The following EVI5 variants were observed in gnomAD, a reference collection of about 807,000 sequenced individuals.
EVI5 encodes the protein ecotropic viral integration site 5 protein homolog.
EVI5 carries 73 observed loss-of-function variants against 112.0 expected under a neutral mutation model. The ratio of observed to expected loss-of-function variants is 0.65; its 90% CI spans 0.54 to 0.79. The LOEUF (loss-of-function observed/expected upper bound fraction) is 0.79, where lower values mean the gene tolerates loss of function less well. Ranked by LOEUF, EVI5 falls within the 30% of genes least tolerant of loss-of-function variation. The pLI is 0.00. For missense variants in EVI5, 900 were observed against 968.8 expected (o/e 0.93, Z 0.94); for synonymous variants, 305 against 319.9 (o/e 0.95, Z 0.50).
intron 4 of EVI5, among the ~76,000 whole-genome samples, chr1:92,703,009 G>A (rs1196561410): frequency 1.3e-5 from 2 of 152,120 alleles, no homozygotes. Context: ...CAAGGGCTAA[G>A]TGCTCTTAAC....
chr1:92,729,577 C>T (rs964218930), intron 2 of EVI5, among the ~76,000 whole-genome samples: 2 of 152,030 alleles, frequency 1.3e-5, no homozygotes, highest in Admixed American at 1.3e-4. Context: ...ACCAAAGATA[C>T]CAAAGATACC....
chr1:92,633,987 T>G (rs1377465058), intron 14 of EVI5, among the ~76,000 whole-genome samples: 1 of 152,208 alleles, frequency 6.6e-6, no homozygotes, highest in Non-Finnish European at 1.5e-5. Flanking sequence ...ATTCTTTTCT[T>G]TAAGAATGTT....
At chr1:92,749,535 C>G (rs1044726422) in intron 1 of EVI5, among the ~76,000 whole-genome samples, 2 of 151,978 alleles carry the variant, frequency 1.3e-5, no homozygotes, top group Non-Finnish European at 2.9e-5. Flanking sequence ...CCTTGTCTAT[C>G]ATAAACCAGA....
intron 19 of EVI5, among the ~76,000 whole-genome samples, chr1:92,532,973 T>C (rs139081431): frequency 0.021 from 3,051 of 145,004 alleles, 119 homozygotes; most frequent in African/African-American, 0.072. Context: ...CAAAAAACCC[T>C]TCAAAAAAAT....
chr1:92,647,700 C>T, intron 13 of EVI5: 1 of 258,138 alleles, frequency 3.9e-6, no homozygotes, highest in South Asian at 6.5e-5. Flanking sequence ...GTGAAGGGGG[C>T]AGGAAGGGTG....
intron 18 of EVI5, among the ~76,000 whole-genome samples, chr1:92,581,513 T>C (rs114346956): frequency 0.021 from 3,149 of 152,312 alleles, 119 homozygotes; most frequent in African/African-American, 0.071. Context: ...TGAATTCTCC[T>C]GGGATTTTGC....
At chr1:92,720,677 G>A (rs1032255183) in intron 2 of EVI5, among the ~76,000 whole-genome samples, 1 of 152,078 alleles carries the variant, frequency 6.6e-6, no homozygotes, top group African/African-American at 2.4e-5. Flanking sequence ...TAACAAATGG[G>A]ATCTAATTAA....
At position 92,512,503 on chromosome 1, in the gene EVI5, C is replaced by G. The variant is rs186292415; in HGVS notation, c.*1153G>C. 61 of 152,236 alleles carry G rather than the reference C, an allele frequency of 4.0e-4. No homozygotes were observed. The highest frequency in any genetic ancestry group is 3.9e-3 in the South Asian group (19 of 4,826). The allele number at this position is 152,236 out of a possible 1,614,324, so 9.4% of individuals were successfully genotyped here. On this transcript the variant is annotated 3_prime_UTR_variant, in exon 20 of 20. Coordinates refer to ENST00000684568, the MANE Select transcript of EVI5 (RefSeq NM_001350197.2). Reference sequence around the variant, plus strand: ...TTAGTGTTTTATTTTTAACTTTTAACCTATTATTTACAGAAGTCCTGTTAG... The same window carrying G: ...TTAGTGTTTTATTTTTAACTTTTAAGCTATTATTTACAGAAGTCCTGTTAG...
intron 2 of EVI5, among the ~76,000 whole-genome samples, chr1:92,713,086 C>G (rs528975762): frequency 3.2e-4 from 48 of 151,930 alleles, no homozygotes; most frequent in African/African-American, 9.9e-4. Flanking sequence ...CCAGGCCCAG[C>G]CTGAAATTAA....
chr1:92,770,017 C>T (rs1683154995), intron 1 of EVI5, among the ~76,000 whole-genome samples: 1 of 152,104 alleles, frequency 6.6e-6, no homozygotes, highest in South Asian at 2.1e-4. Flanking sequence ...TTTGAAGATG[C>T]TATGCTGCTG....
chr1:92,513,958 T>G lies in EVI5; in HGVS notation c.2179A>C (p.Lys727Gln). 6.4e-7 allele frequency: 1 copy of G among 1,560,950 alleles called. No individual in the cohort carries two copies. The highest frequency in any genetic ancestry group is 8.7e-7 in the Non-Finnish European group (1 of 1,149,528). The change falls in exon 20 of 20, where the codon AAA (lysine) becomes CAA (glutamine). Residue 727 changes from lysine to glutamine, a missense_variant. Lys to Gln is a moderately conservative substitution (Grantham distance 53). Transcript: ENST00000684568. ...AELNHELRCLKGQRGFSGQPP... is the reference protein window; with the variant it reads ...AELNHELRCLQGQRGFSGQPP... ...TGGCCTGAGAAGCCCCTCTGGCCTT[T>G]TAGGCACCTGAGCTGTTAAAACAAA...
intron 14 of EVI5, among the ~76,000 whole-genome samples, chr1:92,631,189 TA>T (rs1220733052): frequency 6.6e-6 from 1 of 152,056 alleles, no homozygotes; most frequent in Non-Finnish European, 1.5e-5. Flanking sequence ...ATATGAACTT[TA>T]AAGTAGTTTT....
chr1:92,710,188 C>CA (rs1672636970), intron 2 of EVI5, among the ~76,000 whole-genome samples: 1 of 147,666 alleles, frequency 6.8e-6, no homozygotes, highest in Non-Finnish European at 1.5e-5. Flanking sequence ...ACTAAAAATA[C>CA]AAAAAATTAG....
intron 13 of EVI5, among the ~76,000 whole-genome samples, chr1:92,661,605 T>C (rs1664027361): frequency 6.6e-6 from 1 of 152,102 alleles, no homozygotes; most frequent in South Asian, 2.1e-4. Context: ...TGACATTACA[T>C]ACAAAAGTGG....
chr1:92,547,967 A>C (rs1666064082), intron 19 of EVI5, among the ~76,000 whole-genome samples: 1 of 152,234 alleles, frequency 6.6e-6, no homozygotes, highest in Admixed American at 6.5e-5. Flanking sequence ...AATCAATAGA[A>C]AAAGAGGGAA....
intron 19 of EVI5, among the ~76,000 whole-genome samples, chr1:92,527,865 C>T (rs1390727715): frequency 1.3e-5 from 2 of 152,124 alleles, no homozygotes; most frequent in Non-Finnish European, 2.9e-5. Flanking sequence ...ATAATTTATC[C>T]TTTCTAATGT....
chr1:92,790,837 A>AC (rs1391099517), intron 1 of EVI5, among the ~76,000 whole-genome samples: 3 of 151,710 alleles, frequency 2.0e-5, no homozygotes, highest in Non-Finnish European at 4.4e-5. Flanking sequence ...AAAAAAAAAA[A>AC]GGAAAGAATA....
chr1:92,547,928 G>A (rs552554283), intron 19 of EVI5, among the ~76,000 whole-genome samples: 3 of 152,306 alleles, frequency 2.0e-5, no homozygotes, highest in Non-Finnish European at 1.5e-5. Context: ...ACAAGGAGGA[G>A]CTGGTACCAT....
At chr1:92,695,533 T>C in intron 6 of EVI5, 80 bp from the exon 7 acceptor site, 3 of 881,656 alleles carry the variant, frequency 3.4e-6, no homozygotes, top group Non-Finnish European at 5.1e-6. Flanking sequence ...TAGATTAGCC[T>C]ATACCAAACA....
Sources: allele counts gnomAD v4.1 joint callset (sites outside exome capture counted in the v4.1 genomes callset), GRCh38; gene constraint gnomAD v4.1.1; transcripts MANE v1.5; gene names NCBI Gene and HGNC (gene_info 2026-07-23, HGNC 2026-07-21).